Variants in DAB1 observed in about 807,000 individuals in gnomAD.
DAB1 encodes the protein disabled homolog 1.
A neutral mutation model predicts 64.6 loss-of-function variants in DAB1; 15 were observed. The ratio of observed to expected loss-of-function variants is 0.23; its 90% CI spans 0.16 to 0.36. The LOEUF (loss-of-function observed/expected upper bound fraction) is 0.36. Among genes scored for constraint, DAB1 ranks in the 10% least tolerant of loss-of-function variants. The probability of loss-of-function intolerance (pLI) is 1.00; values close to 1 mark genes in which losing one functional copy is unlikely to be tolerated. For synonymous variants in DAB1, 235 were observed against 251.9 expected (o/e 0.93, Z 0.64); for missense variants, 596 against 706.7 (o/e 0.84, Z 1.78).
At chr1:57,837,005 A>T (rs1196642308) in intron 1 of DAB1, among the ~76,000 whole-genome samples, 2 of 152,058 alleles carry the variant, frequency 1.3e-5, no homozygotes. Context: ...TCTCTCCTTC[A>T]CTGCTCCCTT....
At chr1:57,365,232 A>G (rs1679887078) in intron 1 of DAB1, among the ~76,000 whole-genome samples, 1 of 142,708 alleles carries the variant, frequency 7.0e-6, no homozygotes, top group Non-Finnish European at 1.5e-5. Flanking sequence ...GTTATATAAA[A>G]ATATATAAAC....
chr1:58,155,917 C>T (rs1009420824), intron 4 of DAB1, among the ~76,000 whole-genome samples: 1 of 152,202 alleles, frequency 6.6e-6, no homozygotes, highest in Admixed American at 6.5e-5. Context: ...GAATACAATG[C>T]CTCCCAATAG....
intron 2 of DAB1, among the ~76,000 whole-genome samples, chr1:57,191,356 T>C (rs766247077): frequency 1.3e-5 from 2 of 152,190 alleles, no homozygotes; most frequent in African/African-American, 4.8e-5. Context: ...AGGGGATATT[T>C]CAATGGACTT....
chr1:57,722,863 T>A (rs1647167811), intron 6 of DAB1, among the ~76,000 whole-genome samples: 1 of 152,132 alleles, frequency 6.6e-6, no homozygotes. Context: ...ACTCAGATCA[T>A]CTGAGTTATC....
chr1:58,505,993 A>C (rs1645982607), intron 3 of DAB1: 1 of 774,898 alleles, frequency 1.3e-6, no homozygotes. Flanking sequence ...TAAGCAAAAG[A>C]AGTGACAGCA....
chr1:57,284,262 C>T (rs1395612578), intron 2 of DAB1, among the ~76,000 whole-genome samples: 1 of 152,000 alleles, frequency 6.6e-6, no homozygotes, highest in Non-Finnish European at 1.5e-5. Flanking sequence ...TCAGAAGGCC[C>T]CCTCCCCTGC....
intron 5 of DAB1, among the ~76,000 whole-genome samples, chr1:58,065,534 C>T (rs17116805): frequency 0.032 from 4,902 of 152,188 alleles, 154 homozygotes; most frequent in East Asian, 0.12. Context: ...CAGTTCATGA[C>T]AGACTCTGAT....
chr1:57,853,922 T>C (rs768521461), intron 1 of DAB1, among the ~76,000 whole-genome samples: 1 of 152,230 alleles, frequency 6.6e-6, no homozygotes, highest in Non-Finnish European at 1.5e-5. Context: ...CGCATCTGTT[T>C]TTACCAGAGC....
chr1:58,544,725 C>G (rs1347534133), intron 1 of DAB1, among the ~76,000 whole-genome samples: 1 of 152,156 alleles, frequency 6.6e-6, no homozygotes, highest in Admixed American at 6.5e-5. Context: ...TCCTCAGTAG[C>G]TGGGATTACA....
chr1:57,853,068 T>C (rs1569850724), intron 1 of DAB1, among the ~76,000 whole-genome samples: 2 of 152,296 alleles, frequency 1.3e-5, no homozygotes, highest in South Asian at 2.1e-4. Flanking sequence ...AATTATAATG[T>C]TTTTGTCACA....
In DAB1 at chr1:57,199,279, AAAAAGGAAG is replaced by A. The variant is rs1414196944; in HGVS notation, c.68-53859_68-53851del. ...AAATTTCTAATTAATAATTTATTTT[AAAAAGGAAG>A]ATCAACTAGTGTTTACCTTAAAAAA... On this transcript the variant is annotated intron_variant, in intron 2 of 14. Transcript: ENST00000371236. 2.6e-5 allele frequency among the ~76,000 whole-genome samples: 4 copies of A among 152,234 alleles called. No homozygotes were observed. In the South Asian group the frequency reaches 8.3e-4, roughly 32 times the overall value.
At chr1:57,069,498 TAAGA>T in intron 7 of DAB1, 73 bp from the exon 8 acceptor site, 1 of 1,291,760 alleles carries the variant, frequency 7.7e-7, no homozygotes, top group Non-Finnish European at 1.1e-6. Context: ...ATTTGGAAAT[TAAGA>T]TACAAATCAC....
intron 1 of DAB1, among the ~76,000 whole-genome samples, chr1:57,392,842 T>C (rs1235665060): frequency 2.0e-5 from 3 of 152,180 alleles, no homozygotes; most frequent in Non-Finnish European, 4.4e-5. Context: ...GTAGAATGTC[T>C]GTAAAGTAAC....
chr1:57,475,229 A>G (rs542118586), intron 7 of DAB1, among the ~76,000 whole-genome samples: 1 of 152,256 alleles, frequency 6.6e-6, no homozygotes, highest in South Asian at 2.1e-4. Flanking sequence ...GTGAGCTGAT[A>G]TCATGCCACT....
chr1:57,242,177 C>T (rs17115445), intron 2 of DAB1, among the ~76,000 whole-genome samples: 16,099 of 152,178 alleles, frequency 0.11, 1,902 homozygotes, highest in African/African-American at 0.29. Flanking sequence ...GCATATTTTA[C>T]AAGCCAACTC....
At chr1:57,924,031 G>T (rs1644844738) in intron 5 of DAB1, among the ~76,000 whole-genome samples, 1 of 152,310 alleles carries the variant, frequency 6.6e-6, no homozygotes, top group South Asian at 2.1e-4. Context: ...GGTTCAAAAG[G>T]TGTTAGACAA....
chr1:58,161,021 A>G (rs1388463469), intron 4 of DAB1, among the ~76,000 whole-genome samples: 2 of 152,200 alleles, frequency 1.3e-5, no homozygotes, highest in Non-Finnish European at 2.9e-5. Flanking sequence ...GATGCAACGT[A>G]AGGAATACAT....
At chr1:57,860,687 T>A (rs1157596585) in intron 1 of DAB1, 2 of 152,132 alleles carry the variant, frequency 1.3e-5, no homozygotes, top group Non-Finnish European at 2.9e-5. Flanking sequence ...ATGATTAGGA[T>A]CTAAGGGGCC....
At chr1:57,694,611 C>A (rs1228446922) in intron 6 of DAB1, among the ~76,000 whole-genome samples, 1 of 152,112 alleles carries the variant, frequency 6.6e-6, no homozygotes. Flanking sequence ...GGGACCACTG[C>A]TTTCCATTAT....
Sources: gnomAD v4.1 joint callset for allele counts (sites outside exome capture counted in the v4.1 genomes callset) on GRCh38, gnomAD v4.1.1 for gene constraint, MANE v1.5 for transcripts, NCBI Gene and HGNC (gene_info 2026-07-23, HGNC 2026-07-21) for gene names.